Variants in KIAA2012 observed in about 807,000 individuals in gnomAD.
KIAA2012 encodes the protein uncharacterized protein KIAA2012.
Under a neutral mutation model 150.6 loss-of-function variants are expected in KIAA2012, and 125 were observed. The ratio of observed to expected loss-of-function variants is 0.83; its 90% CI spans 0.72 to 0.96. KIAA2012 has a LOEUF of 0.96. Among genes scored for constraint, KIAA2012 ranks in the 40% least tolerant of loss-of-function variants. The pLI, the probability that KIAA2012 is intolerant of heterozygous loss-of-function variation, is 0.00. For missense variants in KIAA2012, 1,219 were observed against 1,354.9 expected (o/e 0.90, Z 1.57); for synonymous variants, 462 against 504.7 (o/e 0.92, Z 1.13).
chr2:202,111,681 G>T (rs565560750), intron 10 of KIAA2012, among the ~76,000 whole-genome samples: 1 of 152,242 alleles, frequency 6.6e-6, no homozygotes, highest in South Asian at 2.1e-4. Flanking sequence ...GTGCATGCAT[G>T]TCATTGTGCA....
At chr2:202,194,385 T>C in intron 21 of KIAA2012, 23 bp downstream of exon 21, 1 of 1,548,612 alleles carries the variant, frequency 6.5e-7, no homozygotes, top group East Asian at 2.4e-5. Context: ...TTGAGCTCTT[T>C]GCATCTCTCT....
In KIAA2012 at chr2:202,131,757, G is replaced by C. The variant is rs1690934527; in HGVS notation, c.1831+6475G>C. ...GAAAGGACAATATAAAGGTGAGAGA[G>C]CATGGCAGCATGGAGAAACTGAAGC... On this transcript the variant is annotated intron_variant, in intron 12 of 23. Transcript: ENST00000498697. Among the ~76,000 whole-genome samples the C allele has an allele frequency of 2.0e-5, 3 of 152,198 alleles. No homozygotes were observed. In the East Asian group the frequency reaches 5.8e-4, roughly 29 times the overall value.
At chr2:202,074,271 A>G (rs1242744364) in intron 1 of KIAA2012, among the ~76,000 whole-genome samples, 1 of 152,070 alleles carries the variant, frequency 6.6e-6, no homozygotes, top group East Asian at 1.9e-4. Flanking sequence ...ATACTTTGCA[A>G]ATTTGGGGGT....
At chr2:202,169,462 A>G (rs548093952) in intron 15 of KIAA2012, among the ~76,000 whole-genome samples, 2 of 152,324 alleles carry the variant, frequency 1.3e-5, no homozygotes, top group South Asian at 4.1e-4. Context: ...ACCCAGAAGC[A>G]GCCAACAGGC....
At chr2:202,133,235 C>G (rs1429342308) in intron 12 of KIAA2012, among the ~76,000 whole-genome samples, 2 of 149,892 alleles carry the variant, frequency 1.3e-5, no homozygotes, top group African/African-American at 4.9e-5. Flanking sequence ...CTTTCCTCCA[C>G]ACAGTCTTCC....
intron 2 of KIAA2012, among the ~76,000 whole-genome samples, chr2:202,079,984 G>T (rs946968875): frequency 4.6e-5 from 7 of 152,140 alleles, no homozygotes; most frequent in African/African-American, 1.7e-4. Context: ...TAAGAGCTAG[G>T]TGCTAGCATT....
At chr2:202,091,006 C>T (rs1689706152) in intron 3 of KIAA2012, 77 bp downstream of exon 3, 1 of 1,449,334 alleles carries the variant, frequency 6.9e-7, no homozygotes, top group African/African-American at 1.4e-5. Context: ...TGTTTTCCAT[C>T]AAGACCTGAA....
intron 18 of KIAA2012, among the ~76,000 whole-genome samples, chr2:202,189,928 C>CA (rs1234612612): frequency 1.3e-5 from 2 of 151,866 alleles, no homozygotes; most frequent in African/African-American, 2.4e-5. Context: ...CCTGTTTCTA[C>CA]AAAAAATACA....
intron 13 of KIAA2012, among the ~76,000 whole-genome samples, chr2:202,147,565 G>T (rs191130042): frequency 2.6e-5 from 4 of 152,312 alleles, no homozygotes; most frequent in African/African-American, 7.2e-5. Flanking sequence ...CTGCTGTCAC[G>T]CATGACCAGG....
chr2:202,196,691 A>C (rs1167906981), intron 21 of KIAA2012, 109 bp from the exon 22 acceptor site: 1 of 1,445,538 alleles, frequency 6.9e-7, no homozygotes, highest in Non-Finnish European at 9.2e-7. Context: ...GTCAACTGCA[A>C]AATTTCTCAC....
Position 202,109,659 on chromosome 2 carries a change from A to AC in KIAA2012, c.1526dup (p.Ile510AspfsTer2), listed in dbSNP as rs1411068644. ...ATGTGGCCCCACCATTGGATCTTCTACCCCCGATTAAAGGAAAAAAAAGTC... is the reference window on the plus strand; with the variant it reads ...ATGTGGCCCCACCATTGGATCTTCTACCCCCCGATTAAAGGAAAAAAAAGTC... On this transcript the variant is annotated frameshift_variant, in exon 10 of 24. Coordinates refer to ENST00000498697, the MANE Select transcript of KIAA2012 (RefSeq NM_001277372.4). LOFTEE classifies it high-confidence loss of function. 5 of 1,549,630 alleles carry AC rather than the reference A, an allele frequency of 3.2e-6. No individual in the cohort carries two copies. Among genetic ancestry groups the AC allele is most frequent in the Non-Finnish European group, 4.4e-6 (5 of 1,146,638 alleles).
At chr2:202,194,161 A>G (rs923577996) in intron 20 of KIAA2012, 29 bp from the exon 21 acceptor site, 6 of 1,549,468 alleles carry the variant, frequency 3.9e-6, no homozygotes, top group Non-Finnish European at 4.4e-6. Flanking sequence ...GTTTTCTGCC[A>G]TTTCCCTGAC....
chr2:202,094,358 G>A (rs568761487), intron 4 of KIAA2012, among the ~76,000 whole-genome samples: 2 of 152,288 alleles, frequency 1.3e-5, no homozygotes, highest in Admixed American at 6.5e-5. Context: ...AAATGATCCG[G>A]TCAGGATAAG....
At chr2:202,126,235 G>A (rs1201283665) in intron 12 of KIAA2012, among the ~76,000 whole-genome samples, 1 of 151,970 alleles carries the variant, frequency 6.6e-6, no homozygotes, top group Non-Finnish European at 1.5e-5. Context: ...TTACAGGCAT[G>A]AGCCACCACT....
At chr2:202,142,371 C>G (rs1294207768) in intron 13 of KIAA2012, among the ~76,000 whole-genome samples, 1 of 152,042 alleles carries the variant, frequency 6.6e-6, no homozygotes, top group East Asian at 1.9e-4. Flanking sequence ...GGGAATTTAT[C>G]CTAAGGAAAT....
chr2:202,128,438 G>GT lies in KIAA2012; in HGVS notation c.1831+3156_1831+3157insT, dbSNP rs567941891. Among the ~76,000 whole-genome samples, 108 of 106,536 alleles carry GT rather than the reference G, an allele frequency of 1.0e-3. 1 individual carries two copies. The South Asian group carries it at 0.014, about 14-fold the overall frequency. The allele number at this position is 106,536 out of a possible 152,430, so 69.9% of individuals were successfully genotyped here. The stretch of plus-strand genomic sequence containing the variant: ...TTGCCATCATGCCTGTCTTTTTGGG[G>GT]GTTTTTTTTTTTTGGTAGAGATGGG... On this transcript the variant is annotated intron_variant, in intron 12 of 23. Coordinates refer to ENST00000498697, the MANE Select transcript of KIAA2012 (RefSeq NM_001277372.4).
chr2:202,196,656 A>G (rs960668165), intron 21 of KIAA2012, 144 bp from the exon 22 acceptor site: 1 of 969,926 alleles, frequency 1.0e-6, no homozygotes, highest in African/African-American at 1.7e-5. Flanking sequence ...TACTCCCCAG[A>G]GAGGATCTGG....
chr2:202,139,824 T>G (rs1691162431), intron 13 of KIAA2012, among the ~76,000 whole-genome samples: 1 of 152,218 alleles, frequency 6.6e-6, no homozygotes, highest in Non-Finnish European at 1.5e-5. Context: ...ATGGTGTATT[T>G]TGATAATTCT....
intron 2 of KIAA2012, among the ~76,000 whole-genome samples, chr2:202,083,970 AAAGAT>A (rs1689507489): frequency 6.6e-6 from 1 of 152,186 alleles, no homozygotes; most frequent in East Asian, 1.9e-4. Flanking sequence ...TGAGTCTTGT[AAAGAT>A]AAGTAGGGTG....
Sources: gnomAD v4.1 joint callset for allele counts (sites outside exome capture counted in the v4.1 genomes callset) on GRCh38, gnomAD v4.1.1 for gene constraint, MANE v1.5 for transcripts, NCBI Gene and HGNC (gene_info 2026-07-23, HGNC 2026-07-21) for gene names.